HEXIM2: variants seen among roughly 807,000 people sequenced by gnomAD.
The protein encoded by HEXIM2 is protein HEXIM2.
For synonymous variants in HEXIM2, 159 were observed against 162.7 expected, an observed-to-expected ratio of 0.98 and a Z score of 0.17; for missense variants, 413 against 390.8, an observed-to-expected ratio of 1.06 and a Z score of -0.48.
At chr17:45,168,975 G>A (rs771910802) in intron 3 of HEXIM2, 40 bp from the exon 4 acceptor site, 24 of 1,545,250 alleles carry the variant, frequency 1.6e-5, no homozygotes, top group Non-Finnish European at 2.0e-5. Flanking sequence ...TCCAAGGACA[G>A]GCTGTCTGAT....
Position 45,162,030 on chromosome 17 carries a change from A to C in HEXIM2, c.-194A>C, listed in dbSNP as rs567146151. Reference sequence around the variant, plus strand: ...GTGTGCATAGCCCTTGACAGCGAATAGGTCAGTTCCACCTTTGCAAAACCT... The same window carrying C: ...GTGTGCATAGCCCTTGACAGCGAATCGGTCAGTTCCACCTTTGCAAAACCT... On this transcript the variant is annotated splice_region_variant and 5_prime_UTR_variant, in exon 1 of 4. Transcript: ENST00000589230. The C allele has an allele frequency of 1.0e-6, 1 of 985,268 alleles. No individual in the cohort carries two copies. The highest frequency in any genetic ancestry group is 6.1e-5 in the Admixed American group (1 of 16,310). The allele number at this position is 985,268 out of a possible 1,614,324, so 61.0% of individuals were successfully genotyped here. A position where few individuals can be genotyped will look rare whatever the true frequency, so the allele number is the denominator to read the frequency against.
At position 45,166,997 on chromosome 17, in the gene HEXIM2, C is replaced by G. The variant is rs529219123; in HGVS notation, c.67-2018C>G. Among the ~76,000 whole-genome samples the G allele has an allele frequency of 2.0e-4, 25 of 125,664 alleles. 2 individuals are homozygous for G. In the East Asian group the frequency reaches 6.4e-3, roughly 32 times the overall value. 82.4% of individuals were successfully genotyped at this position (125,664 alleles called of 152,430 possible). A position where few individuals can be genotyped will look rare whatever the true frequency, so the allele number is the denominator to read the frequency against. On this transcript the variant is annotated intron_variant, in intron 3 of 3. Coordinates refer to ENST00000589230, the MANE Select transcript of HEXIM2 (RefSeq NM_001303441.2). The stretch of plus-strand genomic sequence containing the variant: ...CTGAGGTCGGGCCACTGCACTCCAG[C>G]CTGGGTGACAGAGCAAGACTCTGTC...
chr17:45,160,376 T>A (rs886755753), upstream of HEXIM2, among the ~76,000 whole-genome samples: 2 of 152,098 alleles, frequency 1.3e-5, no homozygotes, highest in African/African-American at 4.8e-5. Context: ...AATGCACCAG[T>A]AGAACACAAA....
At chr17:45,160,884 T>C (rs1268073696), upstream of HEXIM2, 4 of 1,289,148 alleles carry the variant, frequency 3.1e-6, no homozygotes, top group Admixed American at 9.2e-5. Context: ...CTACAGTAGT[T>C]TAAGAGGGTC....
intron 3 of HEXIM2, among the ~76,000 whole-genome samples, chr17:45,168,386 G>A (rs1313280895): frequency 1.3e-5 from 2 of 151,752 alleles, no homozygotes; most frequent in Non-Finnish European, 2.9e-5. Context: ...GGGAGGCTGA[G>A]GCTGGAGAAT....
chr17:45,161,131 T>G, upstream of HEXIM2: 1 of 411,906 alleles, frequency 2.4e-6, no homozygotes, highest in Non-Finnish European at 4.7e-6. Context: ...CCAGGCCGAA[T>G]GGGGGTGGGG....
At chr17:45,162,906 C>T in intron 3 of HEXIM2, 47 bp downstream of exon 3, 1 of 1,267,166 alleles carries the variant, frequency 7.9e-7, no homozygotes, top group Non-Finnish European at 1.2e-6. Flanking sequence ...AGCACGGGTC[C>T]CACAGCTGAG....
At chr17:45,161,853 G>A, upstream of HEXIM2, 1 of 985,810 alleles carries the variant, frequency 1.0e-6, no homozygotes, top group Non-Finnish European at 1.2e-6. Context: ...ACAATCCCCA[G>A]CAGGCACCGC....
At chr17:45,160,968 C>A (rs754244507), upstream of HEXIM2, 188 of 1,288,996 alleles carry the variant, frequency 1.5e-4, 1 homozygote, top group South Asian at 6.4e-4. Context: ...CTGGGATCTC[C>A]GCTCTCGGAG....
At chr17:45,161,836 A>G (rs1293819521), upstream of HEXIM2, 2 of 985,402 alleles carry the variant, frequency 2.0e-6, no homozygotes, top group Non-Finnish European at 2.4e-6. Context: ...TTCAGGCCAG[A>G]AGAACTACAA....
At chr17:45,161,801 G>A, upstream of HEXIM2, 1 of 984,738 alleles carries the variant, frequency 1.0e-6, no homozygotes, top group African/African-American at 1.7e-5. Flanking sequence ...TGTGGCTGTT[G>A]ACGTTACAGG....
chr17:45,160,728 G>A (rs1415592195), upstream of HEXIM2: 1 of 395,470 alleles, frequency 2.5e-6, no homozygotes, highest in Non-Finnish European at 5.1e-6. Context: ...CAAGAGGCTG[G>A]CGACATGCTA....
upstream of HEXIM2, chr17:45,161,739 T>A (rs1444522056): frequency 1.6e-5 from 11 of 695,096 alleles, no homozygotes; most frequent in Admixed American, 6.3e-5. Flanking sequence ...AAGGCAGTGA[T>A]GCGCGCGCGG....
chr17:45,160,997 G>A (rs2042667732), upstream of HEXIM2: 2 of 1,268,052 alleles, frequency 1.6e-6, no homozygotes, highest in South Asian at 1.2e-5. Context: ...TGACTGCCAC[G>A]CCGACTTGTG....
chr17:45,161,746 G>A, upstream of HEXIM2: 1 of 762,420 alleles, frequency 1.3e-6, no homozygotes, highest in African/African-American at 1.9e-5. Flanking sequence ...TGATGCGCGC[G>A]CGGTCTGCCC....
chr17:45,162,696 A>G (rs1221585463), intron 2 of HEXIM2, 54 bp from the exon 3 acceptor site: 1 of 1,600,948 alleles, frequency 6.2e-7, no homozygotes, highest in East Asian at 2.2e-5. Flanking sequence ...CTGGGCAGCC[A>G]GAGTATTCCT....
At chr17:45,161,481 T>G (rs1440027034), upstream of HEXIM2, 1 of 161,104 alleles carries the variant, frequency 6.2e-6, no homozygotes, top group Non-Finnish European at 1.4e-5. Flanking sequence ...GTCCCTCCGC[T>G]GCCTCCTCCC....
At chr17:45,161,779 T>G (rs553613933), upstream of HEXIM2, 1 of 966,492 alleles carries the variant, frequency 1.0e-6, no homozygotes, top group Admixed American at 6.2e-5. Context: ...AGATGGGTTT[T>G]GGAGTCTCGG....
rs1169042809 is a variant in HEXIM2, at chr17:45,169,368, C to G, written c.420C>G (p.Pro140=). The part of the protein sequence containing the change: ...EMFAKGQPVA[P]YNTTQFLMND... ...TCGCCAAAGGCCAGCCCGTGGCCCC[C>G]TACAACACCACCCAGTTCCTGATGA... The change falls in exon 4 of 4, where the codon CCC becomes CCG. Residue 140 remains proline, a synonymous_variant. Transcript: ENST00000589230. 2.5e-6 allele frequency: 4 copies of G among 1,613,986 alleles called. No homozygotes were observed. Among genetic ancestry groups the G allele is most frequent in the South Asian group, 1.1e-5 (1 of 91,084 alleles).
Sources: gnomAD v4.1 joint callset for allele counts (sites outside exome capture counted in the v4.1 genomes callset) on GRCh38, gnomAD v4.1.1 for gene constraint, MANE v1.5 for transcripts, NCBI Gene and HGNC (gene_info 2026-07-23, HGNC 2026-07-21) for gene names.